The following PRKCE variants were observed in gnomAD, a reference collection of about 807,000 sequenced individuals.
PRKCE encodes the protein protein kinase C epsilon, also known as protein kinase C epsilon type.
In PRKCE, 16 loss-of-function variants were observed where a neutral mutation model predicts 85.4. The observed-to-expected ratio is 0.19, with a 90% confidence interval of 0.13 to 0.28. The LOEUF is 0.28. Ranked by LOEUF, PRKCE falls within the 10% of genes least tolerant of loss-of-function variation. PRKCE has a pLI of 1.00. For synonymous variants in PRKCE, 388 were observed against 371.5 expected (o/e 1.04, Z -0.51); for missense variants, 573 against 975.2 (o/e 0.59, Z 5.49).
intron 1 of PRKCE, among the ~76,000 whole-genome samples, chr2:45,799,961 A>G (rs970069766): frequency 6.6e-6 from 1 of 152,226 alleles, no homozygotes; most frequent in African/African-American, 2.4e-5. Context: ...TCCACAAGAC[A>G]AAGAAAGCCT....
chr2:45,810,074 C>G (rs1444372497), intron 1 of PRKCE, among the ~76,000 whole-genome samples: 1 of 151,826 alleles, frequency 6.6e-6, no homozygotes, highest in Admixed American at 6.6e-5. Context: ...AAGTCTCGCT[C>G]TTGTCCCCCA....
chr2:46,091,131 C>A (rs111372065), intron 11 of PRKCE, among the ~76,000 whole-genome samples: 1 of 141,722 alleles, frequency 7.1e-6, no homozygotes, highest in African/African-American at 2.6e-5. Flanking sequence ...CTGCTGGACA[C>A]GGGGTGGGGG....
At chr2:45,913,036 T>C (rs58103979) in intron 2 of PRKCE, among the ~76,000 whole-genome samples, 2,213 of 152,262 alleles carry the variant, frequency 0.015, 55 homozygotes, top group African/African-American at 0.051. Flanking sequence ...CACCATCAAG[T>C]GTATCTTCTC....
intron 2 of PRKCE, among the ~76,000 whole-genome samples, chr2:45,969,431 T>G (rs11675509): frequency 0.093 from 14,230 of 152,278 alleles, 733 homozygotes; most frequent in Middle Eastern, 0.17. Flanking sequence ...TCATGCTGGC[T>G]GAGCACGGCT....
intron 1 of PRKCE, among the ~76,000 whole-genome samples, chr2:45,738,259 G>A (rs1353589773): frequency 6.6e-6 from 1 of 152,190 alleles, no homozygotes; most frequent in Admixed American, 6.5e-5. Flanking sequence ...ATTAAGCAAT[G>A]ACTTCTTGCA....
intron 1 of PRKCE, among the ~76,000 whole-genome samples, chr2:45,779,542 G>C (rs192066532): frequency 7.3e-5 from 11 of 150,912 alleles, no homozygotes; most frequent in Admixed American, 4.0e-4. Context: ...CTCCATTTGT[G>C]AACTGAGAAG....
chr2:46,158,084 C>A (rs1677396192), intron 13 of PRKCE, among the ~76,000 whole-genome samples: 1 of 152,182 alleles, frequency 6.6e-6, no homozygotes, highest in African/African-American at 2.4e-5. Context: ...ACAGTGGGAA[C>A]CAGGCACTGA....
Position 46,068,852 on chromosome 2 carries a change from T to A in PRKCE, c.1438-17356T>A. Among the ~76,000 whole-genome samples the A allele has an allele frequency of 6.6e-6, 1 of 152,156 alleles. No individual in the cohort carries two copies. The highest frequency in any genetic ancestry group is 1.9e-4 in the East Asian group (1 of 5,196). ...GGACTTGTGAGATACCAGATTGAAATTTAGATTACCACCAGACGACAGGAG... is the reference window on the plus strand; with the variant it reads ...GGACTTGTGAGATACCAGATTGAAAATTAGATTACCACCAGACGACAGGAG... On this transcript the variant is annotated intron_variant, in intron 10 of 14. Transcript: ENST00000306156. This position sits in a 1 kb window ranked among gnomAD's most constrained non-coding sequence, Gnocchi z 4.3.
At chr2:45,694,222 T>A (rs1677963581) in intron 1 of PRKCE, among the ~76,000 whole-genome samples, 1 of 150,558 alleles carries the variant, frequency 6.6e-6, no homozygotes, top group African/African-American at 2.4e-5. Flanking sequence ...TAAAGCCAGG[T>A]AAAATGTCTC....
intron 10 of PRKCE, among the ~76,000 whole-genome samples, chr2:46,059,253 A>C (rs1431705977): frequency 6.6e-6 from 1 of 151,876 alleles, no homozygotes; most frequent in East Asian, 1.9e-4. Context: ...GCGCCGTTGC[A>C]CTCCAGCCTG....
At chr2:45,961,696 CTT>C (rs11324643) in intron 2 of PRKCE, among the ~76,000 whole-genome samples, 22 of 148,662 alleles carry the variant, frequency 1.5e-4, no homozygotes, top group African/African-American at 2.5e-4. Context: ...TGCCAGGATT[CTT>C]TTTTTTTTTT....
chr2:45,807,250 G>A (rs1558693491), intron 1 of PRKCE, among the ~76,000 whole-genome samples: 1 of 152,228 alleles, frequency 6.6e-6, no homozygotes, highest in African/African-American at 2.4e-5. Context: ...GTGAAGCATA[G>A]TGCCTAGCAC....
chr2:45,886,735 T>C (rs1695331124), intron 2 of PRKCE, among the ~76,000 whole-genome samples: 1 of 152,224 alleles, frequency 6.6e-6, no homozygotes, highest in Non-Finnish European at 1.5e-5. Context: ...TTTATGAAGC[T>C]CGTAAACCTT....
rs1686882328 is a variant in PRKCE, at chr2:45,789,643, AG to A, written c.349-53351del. ...GAGACTGTCTCTCTGGTTGGGGGAA[AG>A]GGGGGAAAGACAGGGATTCTCAACC... On this transcript the variant is annotated intron_variant, in intron 1 of 14. Coordinates refer to ENST00000306156, the MANE Select transcript of PRKCE (RefSeq NM_005400.3). Among the ~76,000 whole-genome samples the A allele has an allele frequency of 1.3e-5, 2 of 152,218 alleles. 1 individual carries two copies. Among genetic ancestry groups the A allele is most frequent in the South Asian group, 4.1e-4 (2 of 4,822 alleles).
At chr2:45,728,843 A>C (rs1265199864) in intron 1 of PRKCE, among the ~76,000 whole-genome samples, 1 of 152,160 alleles carries the variant, frequency 6.6e-6, no homozygotes, top group Non-Finnish European at 1.5e-5. Context: ...CTCTCCTTTA[A>C]GGTTAGAGAG....
At chr2:45,824,993 C>G (rs1295450075) in intron 1 of PRKCE, among the ~76,000 whole-genome samples, 1 of 152,188 alleles carries the variant, frequency 6.6e-6, no homozygotes, top group African/African-American at 2.4e-5. Context: ...AAAGGTTCTG[C>G]TGAACGTGGG....
At chr2:45,773,417 A>G (rs1685499115) in intron 1 of PRKCE, among the ~76,000 whole-genome samples, 2 of 152,170 alleles carry the variant, frequency 1.3e-5, no homozygotes, top group Admixed American at 1.3e-4. Context: ...CTCATCTGCT[A>G]CTCACAGCAG....
chr2:46,184,606 G>T lies in PRKCE; in HGVS notation c.2068-129G>T. The T allele has an allele frequency of 1.0e-5, 12 of 1,184,932 alleles. No individual in the cohort carries two copies. The highest frequency in any genetic ancestry group is 1.4e-5 in the Non-Finnish European group (12 of 841,602). The allele number at this position is 1,184,932 out of a possible 1,614,324, so 73.4% of individuals were successfully genotyped here. On this transcript the variant is annotated intron_variant, in intron 14 of 14. Transcript: ENST00000306156. This position sits in a 1 kb window ranked among gnomAD's most constrained non-coding sequence, Gnocchi z 5.0. ...CGTTACCTCATCGGGACAGCCCCGTGTCTGCTGTCTGTTGGTAGCTAGAGG... is the reference window on the plus strand; with the variant it reads ...CGTTACCTCATCGGGACAGCCCCGTTTCTGCTGTCTGTTGGTAGCTAGAGG...
At chr2:45,816,027 C>A (rs1057185109) in intron 1 of PRKCE, among the ~76,000 whole-genome samples, 1 of 152,190 alleles carries the variant, frequency 6.6e-6, no homozygotes, top group African/African-American at 2.4e-5. Context: ...ATCCCAAGTA[C>A]ATTTGGGGCT....
Sources: allele counts gnomAD v4.1 joint callset (sites outside exome capture counted in the v4.1 genomes callset), GRCh38; gene constraint gnomAD v4.1.1; non-coding constraint Gnocchi (gnomAD v3.1); transcripts MANE v1.5; gene names NCBI Gene and HGNC (gene_info 2026-07-23, HGNC 2026-07-21).